PTPRT: variants seen among roughly 807,000 people sequenced by gnomAD.
PTPRT encodes the protein protein tyrosine phosphatase receptor type T, also known as receptor-type tyrosine-protein phosphatase T.
A neutral mutation model predicts 176.8 loss-of-function variants in PTPRT; 56 were observed. The observed-to-expected ratio is 0.32, with a 90% CI of 0.26 to 0.40. The LOEUF (loss-of-function observed/expected upper bound fraction) is 0.40. Among genes scored for constraint, PTPRT ranks in the 10% least tolerant of loss-of-function variants. The probability of loss-of-function intolerance (pLI) is 1.00; values close to 1 mark genes in which losing one functional copy is unlikely to be tolerated. For synonymous variants in PTPRT, 783 were observed against 739.0 expected, an observed-to-expected ratio of 1.06 and a Z score of -0.96; for missense variants, 1,540 against 1,908.2, an observed-to-expected ratio of 0.81 and a Z score of 3.60.
rs1982529545 is a variant in PTPRT at position 42,073,862 on chromosome 20, C to G, written c.*7017G>C. The stretch of plus-strand genomic sequence containing the variant: ...CTCACCCATCTGGAATGGAAGTGAC[C>G]TGAAATCCATTTCACCAATGCTTCT... On this transcript the variant is annotated 3_prime_UTR_variant, in exon 31 of 31. Coordinates refer to ENST00000373187, the MANE Select transcript of PTPRT (RefSeq NM_007050.6). 1 of 228,278 alleles carries G rather than the reference C, an allele frequency of 4.4e-6. No individual in the cohort carries two copies. The highest frequency in any genetic ancestry group is 8.7e-6 in the Non-Finnish European group (1 of 114,976). The allele number at this position is 228,278 out of a possible 1,614,324, so 14.1% of individuals were successfully genotyped here. A position where few individuals can be genotyped will look rare whatever the true frequency, so the allele number is the denominator to read the frequency against.
At chr20:42,214,873 A>G (rs557641395) in intron 15 of PTPRT, among the ~76,000 whole-genome samples, 20 of 152,336 alleles carry the variant, frequency 1.3e-4, no homozygotes, top group Non-Finnish European at 2.4e-4. Flanking sequence ...CACACTGCCT[A>G]GACTGAAATC....
intron 7 of PTPRT, among the ~76,000 whole-genome samples, chr20:42,639,823 T>G (rs1402178544): frequency 6.6e-6 from 1 of 152,138 alleles, no homozygotes; most frequent in Admixed American, 6.5e-5. Context: ...TCTTCTACCT[T>G]CCTGGTAATC....
intron 17 of PTPRT, among the ~76,000 whole-genome samples, chr20:42,157,349 C>CT (rs11480507): frequency 0.3 from 43,299 of 142,378 alleles, 7,447 homozygotes; most frequent in African/African-American, 0.48. Flanking sequence ...TTTTCTTTTT[C>CT]TTTTTTTTTT....
At chr20:42,440,637 C>T (rs924257982) in intron 9 of PTPRT, among the ~76,000 whole-genome samples, 58 of 151,976 alleles carry the variant, frequency 3.8e-4, no homozygotes, top group African/African-American at 1.4e-3. Context: ...GCCACCACAC[C>T]CAGCTAATTT....
At chr20:42,224,217 T>C (rs2055951841) in intron 15 of PTPRT, among the ~76,000 whole-genome samples, 1 of 152,236 alleles carries the variant, frequency 6.6e-6, no homozygotes, top group Non-Finnish European at 1.5e-5. Context: ...CACACATTTC[T>C]GAGGAGATAA....
chr20:42,785,450 T>C (rs1211222568), intron 3 of PTPRT, among the ~76,000 whole-genome samples: 1 of 152,194 alleles, frequency 6.6e-6, no homozygotes, highest in Non-Finnish European at 1.5e-5. Context: ...TTAAAACCCA[T>C]TTTGCTAGTG....
chr20:42,396,707 A>G (rs2058854008), intron 9 of PTPRT, among the ~76,000 whole-genome samples: 1 of 152,114 alleles, frequency 6.6e-6, no homozygotes, highest in Admixed American at 6.6e-5. Flanking sequence ...GATTACAGGC[A>G]CCCAACACCA....
At chr20:43,090,392 T>C (rs550626060) in intron 1 of PTPRT, among the ~76,000 whole-genome samples, 246 of 151,976 alleles carry the variant, frequency 1.6e-3, no homozygotes, top group Non-Finnish European at 2.4e-3. Flanking sequence ...CTCAGCCTCC[T>C]GAGTAGTTGG....
intron 8 of PTPRT, among the ~76,000 whole-genome samples, chr20:42,471,932 A>G (rs1364451265): frequency 6.6e-6 from 1 of 152,198 alleles, no homozygotes; most frequent in African/African-American, 2.4e-5. Context: ...CTAGGATTAC[A>G]GGCATGAGTC....
chr20:42,226,498 A>G (rs1267962894), intron 15 of PTPRT, among the ~76,000 whole-genome samples: 1 of 152,244 alleles, frequency 6.6e-6, no homozygotes, highest in Non-Finnish European at 1.5e-5. Context: ...CTAAAAACAA[A>G]CAAAATGCAA....
chr20:42,994,969 T>C (rs962670796), intron 1 of PTPRT, among the ~76,000 whole-genome samples: 1 of 152,238 alleles, frequency 6.6e-6, no homozygotes, highest in Non-Finnish European at 1.5e-5. Flanking sequence ...ATAATGTGGT[T>C]ACCACTGGTG....
At chr20:42,578,746 C>T (rs2073311046) in intron 7 of PTPRT, among the ~76,000 whole-genome samples, 1 of 152,148 alleles carries the variant, frequency 6.6e-6, no homozygotes, top group Non-Finnish European at 1.5e-5. Context: ...TCGCCTCCTA[C>T]AGTCTATTCT....
chr20:43,019,024 C>T (rs1985512391), intron 1 of PTPRT, among the ~76,000 whole-genome samples: 1 of 152,074 alleles, frequency 6.6e-6, no homozygotes, highest in Non-Finnish European at 1.5e-5. Flanking sequence ...ACGTTTATCA[C>T]AACATTGTTT....
chr20:42,948,022 A>G (rs926057810), intron 1 of PTPRT, among the ~76,000 whole-genome samples: 2 of 152,102 alleles, frequency 1.3e-5, no homozygotes, highest in African/African-American at 4.8e-5. Flanking sequence ...AGTGAACCCC[A>G]CTTGACTTCT....
chr20:42,231,065 C>A (rs1445814122), intron 15 of PTPRT, among the ~76,000 whole-genome samples: 1 of 152,212 alleles, frequency 6.6e-6, no homozygotes, highest in Non-Finnish European at 1.5e-5. Context: ...CCAGCCACAT[C>A]ATGTGGCCAA....
intron 1 of PTPRT, among the ~76,000 whole-genome samples, chr20:43,057,636 A>C (rs1327526881): frequency 6.6e-6 from 1 of 152,224 alleles, no homozygotes; most frequent in Non-Finnish European, 1.5e-5. Context: ...TGAATGGTAC[A>C]AGGAACTCTG....
At chr20:43,119,461 T>C (rs553828430) in intron 1 of PTPRT, among the ~76,000 whole-genome samples, 2 of 152,324 alleles carry the variant, frequency 1.3e-5, no homozygotes, top group Admixed American at 6.5e-5. Context: ...AGTGAACACT[T>C]CAAAAGCAAC....
chr20:42,880,822 G>C (rs2079001361), intron 2 of PTPRT, among the ~76,000 whole-genome samples: 1 of 152,240 alleles, frequency 6.6e-6, no homozygotes, highest in Non-Finnish European at 1.5e-5. Flanking sequence ...CATGGACAGA[G>C]ATGAGGAAAA....
At chr20:42,171,230 A>G (rs1334613235) in intron 16 of PTPRT, among the ~76,000 whole-genome samples, 1 of 152,186 alleles carries the variant, frequency 6.6e-6, no homozygotes, top group Admixed American at 6.5e-5. Context: ...TGAGTCCAGA[A>G]ATAGAGAAAA....
Sources: allele counts gnomAD v4.1 joint callset (sites outside exome capture counted in the v4.1 genomes callset), GRCh38; gene constraint gnomAD v4.1.1; transcripts MANE v1.5; gene names NCBI Gene and HGNC (gene_info 2026-07-23, HGNC 2026-07-21).